PLA2G5: variants seen among roughly 807,000 people sequenced by gnomAD.
PLA2G5 encodes the protein phospholipase A2 group V.
A neutral mutation model predicts 15.9 loss-of-function variants in PLA2G5; 12 were observed. The observed-to-expected ratio is 0.76, with a 90% CI of 0.48 to 1.23. The LOEUF is 1.23. Among genes scored for constraint, PLA2G5 ranks in the 50% most tolerant of loss-of-function variants. The pLI, the probability that PLA2G5 is intolerant of heterozygous loss-of-function variation, is 0.00. For synonymous variants in PLA2G5, 71 were observed against 71.4 expected, an observed-to-expected ratio of 0.99 and a Z score of 0.03; for missense variants, 169 against 177.1, an observed-to-expected ratio of 0.95 and a Z score of 0.26.
At chr1:20,082,539 T>C (rs920730174) in intron 1 of PLA2G5, among the ~76,000 whole-genome samples, 1 of 151,944 alleles carries the variant, frequency 6.6e-6, no homozygotes, top group Non-Finnish European at 1.5e-5. Flanking sequence ...TTCCTGTTTA[T>C]TGGGAGACTA....
chr1:20,086,382 C>G (rs2016292848), intron 3 of PLA2G5, among the ~76,000 whole-genome samples, 155 bp downstream of exon 3: 2 of 152,228 alleles, frequency 1.3e-5, no homozygotes, highest in African/African-American at 4.8e-5. Flanking sequence ...ATCCCAAGAT[C>G]TCAGTGGCCT....
chr1:20,073,090 G>A (rs1418080403), intron 1 of PLA2G5, among the ~76,000 whole-genome samples: 1 of 152,140 alleles, frequency 6.6e-6, no homozygotes, highest in Non-Finnish European at 1.5e-5. Flanking sequence ...ATCTTGCCAG[G>A]CAGAGTGACA....
chr1:20,053,131 T>C (rs2014258977), intron 1 of PLA2G5, among the ~76,000 whole-genome samples: 1 of 152,208 alleles, frequency 6.6e-6, no homozygotes, highest in South Asian at 2.1e-4. Context: ...ATGTGTGTCA[T>C]CAATCTTGGC....
At position 20,044,881 on chromosome 1, in the gene PLA2G5, G is replaced by A. The variant is rs185331728; in HGVS notation, n.277-14751G>A. On this transcript the variant is annotated intron_variant and non_coding_transcript_variant, in intron 1 of 6. Coordinates refer to the PLA2G5 transcript ENST00000460175. ...AGGAAGATAGAAAAGACTTAGCAGC[G>A]TTTGGGGTTGGGACTGAGGGGACAG... Among the ~76,000 whole-genome samples, 26 of 152,118 alleles carry A rather than the reference G, an allele frequency of 1.7e-4. 1 individual carries two copies. Among genetic ancestry groups the A allele is most frequent in the African/African-American group, 5.1e-4 (21 of 41,492 alleles).
chr1:20,060,601 G>T (rs193158258), intron 2 of PLA2G5, among the ~76,000 whole-genome samples: 2 of 151,994 alleles, frequency 1.3e-5, no homozygotes, highest in African/African-American at 4.8e-5. Context: ...GGTCAGTTTA[G>T]GCTAGATGTA....
intron 2 of PLA2G5, among the ~76,000 whole-genome samples, chr1:20,061,973 C>A (rs1204342143): frequency 6.6e-6 from 1 of 152,146 alleles, no homozygotes; most frequent in East Asian, 1.9e-4. Flanking sequence ...GGAGGCAGAT[C>A]CCTCAAGAAT....
At chr1:20,086,036 G>C in intron 2 of PLA2G5, 47 bp from the exon 3 acceptor site, 1 of 1,609,380 alleles carries the variant, frequency 6.2e-7, no homozygotes, top group Non-Finnish European at 8.5e-7. Flanking sequence ...GCCTAAAGCA[G>C]GGCTGGGCTG....
intron 1 of PLA2G5, among the ~76,000 whole-genome samples, chr1:20,055,972 T>G (rs1034921439): frequency 6.6e-6 from 1 of 151,950 alleles, no homozygotes; most frequent in African/African-American, 2.4e-5. Context: ...AGTTTAGGAG[T>G]TATCTGGGTA....
In PLA2G5 at chr1:20,086,157, A is replaced by G; in HGVS notation, c.115A>G (p.Thr39Ala). The change falls in exon 3 of 5, where the codon ACA becomes GCA. Residue 39 changes from threonine to alanine, a missense_variant. By Grantham distance (58) the Thr-to-Ala change is moderately conservative. Coordinates refer to ENST00000375108, the MANE Select transcript of PLA2G5 (RefSeq NM_000929.3). ...GAAGGTGACAGGGAAGAACGCCCTG[A>G]CAAACTACGGCTTCTACGGCTGTTA... The part of the protein sequence containing the change: ...IEKVTGKNAL[T>A]NYGFYGCYCG... 1.9e-6 allele frequency: 3 copies of G among 1,614,110 alleles called. No individual in the cohort carries two copies. The highest frequency in any genetic ancestry group is 2.5e-6 in the Non-Finnish European group (3 of 1,179,994).
intron 3 of PLA2G5, among the ~76,000 whole-genome samples, chr1:20,088,522 T>C (rs1340188007): frequency 2.0e-5 from 3 of 152,078 alleles, no homozygotes; most frequent in Non-Finnish European, 4.4e-5. Flanking sequence ...AGTGAATAAT[T>C]ATCAATAATG....
chr1:20,090,548 C>T lies in PLA2G5; in HGVS notation c.293-20C>T, dbSNP rs1182001661. Reference sequence around the variant, plus strand: ...GCATGCTCTTCCCACCCTCATTCTGCTCTTGGTGTCCTTTTGCAGAGCCCG... The same window carrying T: ...GCATGCTCTTCCCACCCTCATTCTGTTCTTGGTGTCCTTTTGCAGAGCCCG... On this transcript the variant is annotated intron_variant, in intron 4 of 4. Coordinates refer to ENST00000375108, the MANE Select transcript of PLA2G5 (RefSeq NM_000929.3). The T allele has an allele frequency of 5.6e-6, 9 of 1,613,826 alleles. No homozygotes were observed. Among genetic ancestry groups the T allele is most frequent in the African/African-American group, 1.3e-5 (1 of 74,906 alleles).
intron 1 of PLA2G5, among the ~76,000 whole-genome samples, chr1:20,045,518 A>G (rs2013856287): frequency 6.6e-6 from 1 of 152,188 alleles, no homozygotes; most frequent in African/African-American, 2.4e-5. Context: ...TCTACCAGAA[A>G]AGGAAAGGAA....
intron 3 of PLA2G5, among the ~76,000 whole-genome samples, chr1:20,087,928 C>T (rs986654090): frequency 7.2e-5 from 11 of 152,248 alleles, no homozygotes; most frequent in Admixed American, 7.2e-4. Context: ...AAACTCCAGT[C>T]TTATCATGAG....
upstream of PLA2G5, chr1:20,068,892 A>C: frequency 7.9e-7 from 1 of 1,272,796 alleles, no homozygotes; most frequent in South Asian, 1.3e-5. Flanking sequence ...CAGAAGCCTG[A>C]GGGAACACAC....
exon 1 of PLA2G5, chr1:20,028,672 G>C (rs1372943122): frequency 1.3e-5 from 2 of 152,288 alleles, no homozygotes. Flanking sequence ...GCCTGGACAA[G>C]GGAGTTCAGC....
chr1:20,048,511 A>G (rs1395461025), intron 1 of PLA2G5, among the ~76,000 whole-genome samples: 1 of 152,200 alleles, frequency 6.6e-6, no homozygotes, highest in East Asian at 1.9e-4. Flanking sequence ...ATTTAGTAAG[A>G]TTACCATAAC....
intron 1 of PLA2G5, among the ~76,000 whole-genome samples, chr1:20,034,743 A>T (rs912021515): frequency 5.9e-5 from 9 of 152,150 alleles, no homozygotes; most frequent in African/African-American, 1.7e-4. Flanking sequence ...AAACTTCAGG[A>T]TCAACAGAAA....
chr1:20,070,497 G>A (rs2015305710), intron 1 of PLA2G5, 32 bp downstream of exon 1: 6 of 984,310 alleles, frequency 6.1e-6, no homozygotes, highest in Non-Finnish European at 7.2e-6. Context: ...CATAAATTGG[G>A]GGTTGTGGAG....
intron 1 of PLA2G5, among the ~76,000 whole-genome samples, chr1:20,031,966 G>T (rs2012975450): frequency 6.6e-6 from 1 of 152,082 alleles, no homozygotes; most frequent in South Asian, 2.1e-4. Context: ...CAACTACCCG[G>T]TATAGAAGGG....
Sources: gnomAD v4.1 joint callset for allele counts (sites outside exome capture counted in the v4.1 genomes callset) on GRCh38, gnomAD v4.1.1 for gene constraint, MANE v1.5 for transcripts, NCBI Gene and HGNC (gene_info 2026-07-23, HGNC 2026-07-21) for gene names.